The following SLCO3A1 variants were observed in gnomAD, a reference collection of about 807,000 sequenced individuals.
SLCO3A1 encodes the protein PGE1 transporter.
Under a neutral mutation model 63.1 loss-of-function variants are expected in SLCO3A1, and 27 were observed. That is an observed-to-expected ratio of 0.43 (90% CI 0.32 to 0.59). The LOEUF (loss-of-function observed/expected upper bound fraction) is 0.59, where lower values mean the gene tolerates loss of function less well. Among genes scored for constraint, SLCO3A1 ranks in the 20% least tolerant of loss-of-function variants. The pLI is 0.09. For missense variants in SLCO3A1, 773 were observed against 945.8 expected (o/e 0.82, Z 2.40); for synonymous variants, 473 against 409.9 (o/e 1.15, Z -1.86).
chr15:92,036,613 C>T (rs2046731052), intron 2 of SLCO3A1, among the ~76,000 whole-genome samples: 1 of 152,138 alleles, frequency 6.6e-6, no homozygotes. Flanking sequence ...TCCATTATCA[C>T]TCTTTGGTCC....
chr15:92,016,567 C>T (rs571130781), intron 2 of SLCO3A1, among the ~76,000 whole-genome samples: 12 of 152,152 alleles, frequency 7.9e-5, no homozygotes, highest in Middle Eastern at 3.4e-3. Context: ...GTGTGCAGCA[C>T]GGGACAAAGA....
chr15:91,971,820 A>T (rs201444992), intron 2 of SLCO3A1, among the ~76,000 whole-genome samples: 4 of 80,600 alleles, frequency 5.0e-5, no homozygotes, highest in African/African-American at 1.3e-4. Flanking sequence ...GTGGCTCCGT[A>T]TTCAGCAGTG....
At chr15:91,869,617 T>C (rs996993976) in intron 1 of SLCO3A1, among the ~76,000 whole-genome samples, 5 of 151,942 alleles carry the variant, frequency 3.3e-5, no homozygotes, top group African/African-American at 1.2e-4. Context: ...GAGGATCACT[T>C]GAGACCAGGA....
rs573128661 is a variant in SLCO3A1, at chr15:91,859,455, A to C, written c.180+5367A>C. On this transcript the variant is annotated intron_variant, in intron 1 of 9. Transcript: ENST00000318445. The surrounding 1 kb of genome is among the most constrained non-coding windows in gnomAD (Gnocchi z 5.1). ...TGTATTTTATGTAGCCTAAGTGTTT[A>C]TGTGTTAGCATGAGACAAATTATTG... Among the ~76,000 whole-genome samples, 1 of 152,342 alleles carries C rather than the reference A, an allele frequency of 6.6e-6. No individual in the cohort carries two copies. The highest frequency in any genetic ancestry group is 2.4e-5 in the African/African-American group (1 of 41,590).
In SLCO3A1 at chr15:91,900,862, C is replaced by T. The variant is rs535968343; in HGVS notation, c.181-15131C>T. On this transcript the variant is annotated intron_variant, in intron 1 of 9. Coordinates refer to ENST00000318445, the MANE Select transcript of SLCO3A1 (RefSeq NM_013272.4). This position sits in a 1 kb window ranked among gnomAD's most constrained non-coding sequence, Gnocchi z 4.3. ...GGTTGGTAGGTAGTTTTGTTCAAAT[C>T]ATCTTTATCCTTACTGATTTTCTGT... is the stretch of plus-strand genomic sequence containing the variant. Among the ~76,000 whole-genome samples, 23 of 152,290 alleles carry T rather than the reference C, an allele frequency of 1.5e-4. No homozygotes were observed. Among genetic ancestry groups the T allele is most frequent in the Admixed American group, 3.9e-4 (6 of 15,300 alleles).
intron 2 of SLCO3A1, among the ~76,000 whole-genome samples, chr15:91,996,346 T>C (rs973520746): frequency 6.6e-6 from 1 of 152,104 alleles, no homozygotes. Flanking sequence ...AAATAAGATA[T>C]TTAAACAAAG....
chr15:92,126,919 C>T (rs972825616), intron 6 of SLCO3A1, among the ~76,000 whole-genome samples: 4 of 152,154 alleles, frequency 2.6e-5, no homozygotes, highest in East Asian at 1.9e-4. Flanking sequence ...CCTGGAGCAT[C>T]GAGGCTGAAG....
chr15:92,066,770 G>A (rs545807055), intron 2 of SLCO3A1, among the ~76,000 whole-genome samples: 11 of 152,332 alleles, frequency 7.2e-5, no homozygotes, highest in Middle Eastern at 3.4e-3. Context: ...AAGGTTGGCC[G>A]TTGTCATCAG....
chr15:91,946,227 G>A (rs8031009), intron 2 of SLCO3A1, among the ~76,000 whole-genome samples: 117,722 of 152,070 alleles, frequency 0.77, 45,973 homozygotes, highest in East Asian at 0.98. Context: ...TCTTCTCTGC[G>A]GAGAGGTTGA....
rs988286400 is a variant in SLCO3A1, at chr15:92,130,271, G to C, written c.1512+1782G>C. On this transcript the variant is annotated intron_variant, in intron 7 of 9. Transcript: ENST00000318445. ...TGCATCCCACTGCTGAAACAGCGAA[G>C]CTGGAGAATGCAGTTATCAGACTGT... 5.3e-5 allele frequency among the ~76,000 whole-genome samples: 8 copies of C among 152,364 alleles called. No homozygotes were observed. The East Asian group carries it at 1.5e-3, about 29-fold the overall frequency.
intron 4 of SLCO3A1, among the ~76,000 whole-genome samples, chr15:92,117,850 C>A (rs999681078): frequency 6.6e-6 from 1 of 152,208 alleles, no homozygotes; most frequent in African/African-American, 2.4e-5. Context: ...CCAATGAATT[C>A]ATCTGTATTT....
chr15:91,931,839 G>A (rs1421960048), intron 2 of SLCO3A1, among the ~76,000 whole-genome samples: 4 of 136,708 alleles, frequency 2.9e-5, no homozygotes, highest in African/African-American at 1.0e-4. Flanking sequence ...AGGAGTAGAT[G>A]AAGGGAAAAA....
In SLCO3A1 at chr15:91,960,653, A is replaced by G. The variant is rs577944765; in HGVS notation, c.646+44195A>G. On this transcript the variant is annotated intron_variant, in intron 2 of 9. Coordinates refer to ENST00000318445, the MANE Select transcript of SLCO3A1 (RefSeq NM_013272.4). ...AGGAGTAATTTATTCTTTTCTCACT[A>G]TTTCATATGACTAGCTGGTTATTCA... is the stretch of plus-strand genomic sequence containing the variant. Among the ~76,000 whole-genome samples the G allele has an allele frequency of 4.3e-4, 65 of 152,188 alleles. No homozygotes were observed. The South Asian group carries it at 7.7e-3, about 18-fold the overall frequency.
chr15:92,058,665 G>C (rs1180861669), intron 2 of SLCO3A1, among the ~76,000 whole-genome samples: 1 of 152,100 alleles, frequency 6.6e-6, no homozygotes, highest in Non-Finnish European at 1.5e-5. Context: ...CTTTCCTGGG[G>C]CTGCAGAAAC....
At chr15:92,025,450 GCTGCTGCTGCTGCTACCACTACTACTA>G (rs796566760) in intron 2 of SLCO3A1, among the ~76,000 whole-genome samples, 28 of 152,224 alleles carry the variant, frequency 1.8e-4, no homozygotes, top group African/African-American at 6.3e-4. Flanking sequence ...TGCTGCTCTT[GCTGCTGCTGCTGCTACCACTACTACTA>G]CTGCTGCTGC....
intron 2 of SLCO3A1, among the ~76,000 whole-genome samples, chr15:92,073,800 A>G (rs1394194825): frequency 6.6e-6 from 1 of 152,228 alleles, no homozygotes; most frequent in Non-Finnish European, 1.5e-5. Context: ...TGACAAGCAA[A>G]ACTGTCTTCA....
At chr15:91,889,678 A>T (rs1470616493) in intron 1 of SLCO3A1, among the ~76,000 whole-genome samples, 1 of 152,242 alleles carries the variant, frequency 6.6e-6, no homozygotes, top group Admixed American at 6.5e-5. Context: ...CTTGTTCTCT[A>T]CATGTTCCTT....
chr15:92,106,484 T>TA (rs1567123468), intron 4 of SLCO3A1, among the ~76,000 whole-genome samples: 2 of 152,096 alleles, frequency 1.3e-5, no homozygotes, highest in Non-Finnish European at 2.9e-5. Context: ...ACTAGACCCC[T>TA]AGGAATAAAT....
intron 7 of SLCO3A1, 27 bp downstream of exon 7, chr15:92,128,516 CA>C: frequency 6.4e-7 from 1 of 1,570,280 alleles, no homozygotes; most frequent in Non-Finnish European, 8.6e-7. Context: ...GGGGATGGGG[CA>C]GGGGATTCAG....
Sources: allele counts gnomAD v4.1 joint callset (sites outside exome capture counted in the v4.1 genomes callset), GRCh38; gene constraint gnomAD v4.1.1; non-coding constraint Gnocchi (gnomAD v3.1); transcripts MANE v1.5; gene names NCBI Gene and HGNC (gene_info 2026-07-23, HGNC 2026-07-21).